Variants in SPANXN2 observed in about 807,000 individuals in gnomAD.
SPANXN2 encodes SPANX family member N2.
A neutral mutation model predicts 2.0 loss-of-function variants in SPANXN2; 1 was observed. The ratio of observed to expected loss-of-function variants is 0.50; its 90% CI spans 0.18 to 2.36. The LOEUF (loss-of-function observed/expected upper bound fraction) is 2.36. Among genes scored for constraint, SPANXN2 ranks in the 30% most tolerant of loss-of-function variants. SPANXN2 has a pLI of 0.26. For missense variants in SPANXN2, 88 were observed against 116.7 expected (o/e 0.75, Z 1.13); for synonymous variants, 43 against 49.8 (o/e 0.86, Z 0.58).
chrX:143,713,858 T>C (rs1932209493), intron 1 of SPANXN2, among the ~76,000 whole-genome samples: 1 of 106,746 alleles, frequency 9.4e-6, no homozygotes, highest in African/African-American at 3.4e-5. Flanking sequence ...TGGTAAATAA[T>C]CTGAAGTGCT....
At chrX:143,712,128 C>T (rs782673855) in exon 2 of SPANXN2, 1 of 1,208,895 alleles carries the variant, frequency 8.3e-7, no homozygotes, top group Admixed American at 2.2e-5. Flanking sequence ...GGTCTTCGTC[C>T]TCCTGTGAAG....
intron 1 of SPANXN2, among the ~76,000 whole-genome samples, chrX:143,715,236 A>G (rs1262116741): frequency 2.7e-5 from 3 of 110,904 alleles, no homozygotes; most frequent in African/African-American, 6.6e-5. Context: ...CTAGTTACTC[A>G]GTTTGACCAG....
chrX:143,712,774 G>T (rs1311203750), intron 1 of SPANXN2, among the ~76,000 whole-genome samples: 1 of 111,612 alleles, frequency 9.0e-6, no homozygotes, highest in Non-Finnish European at 1.9e-5. Context: ...GGCTCAGGCC[G>T]TGAGAAACAT....
At position 143,718,569 on chromosome X, in the gene SPANXN2, GA is replaced by G. The variant is rs1226855588; in HGVS notation, c.78+2021del. 4.5e-5 allele frequency among the ~76,000 whole-genome samples: 5 copies of G among 111,809 alleles called. No homozygotes were observed. The East Asian group carries it at 1.4e-3, about 32-fold the overall frequency. On this transcript the variant is annotated intron_variant, in intron 1 of 1. Transcript: ENST00000598475. ...AAAAAGAGCACCAGATCCACATCTA[GA>G]AATTTGTTCACCCCCAAATTATTCT... is the stretch of plus-strand genomic sequence containing the variant.
chrX:143,713,996 G>A (rs1210162726), intron 1 of SPANXN2, among the ~76,000 whole-genome samples: 2 of 103,802 alleles, frequency 1.9e-5, no homozygotes, highest in African/African-American at 3.6e-5. Flanking sequence ...CTCTTCCTCC[G>A]GACAAGTCTT....
intron 1 of SPANXN2, among the ~76,000 whole-genome samples, chrX:143,719,515 G>T (rs781942078): frequency 8.9e-6 from 1 of 111,785 alleles, no homozygotes; most frequent in Non-Finnish European, 1.9e-5. Context: ...TAAAACAAAG[G>T]GTTTGTGCAG....
chrX:143,716,817 C>T (rs1932275606), intron 1 of SPANXN2, among the ~76,000 whole-genome samples: 1 of 111,941 alleles, frequency 8.9e-6, no homozygotes, highest in African/African-American at 3.2e-5. Flanking sequence ...CCACCAATCC[C>T]TTCTATCCCT....
chrX:143,715,284 T>C (rs1366611368), intron 1 of SPANXN2, among the ~76,000 whole-genome samples: 2 of 85,479 alleles, frequency 2.3e-5, no homozygotes, highest in African/African-American at 4.3e-5. Context: ...CGATCTCTAT[T>C]GTGAGAATCA....
At chrX:143,713,732 T>A (rs1556448977) in intron 1 of SPANXN2, among the ~76,000 whole-genome samples, 1 of 111,176 alleles carries the variant, frequency 9.0e-6, no homozygotes, top group African/African-American at 3.3e-5. Flanking sequence ...CCTTCCAGGG[T>A]ACTCACTTTC....
At chrX:143,714,315 C>T (rs181134897) in intron 1 of SPANXN2, among the ~76,000 whole-genome samples, 30 of 111,800 alleles carry the variant, frequency 2.7e-4, no homozygotes, top group Non-Finnish European at 4.3e-4. Context: ...GACTCCTTTT[C>T]AATGGATCCA....
rs187171979 is a variant in SPANXN2 at position 143,715,115 on chromosome X, G to A, written c.79-2616C>T. On this transcript the variant is annotated intron_variant, in intron 1 of 1. Coordinates refer to ENST00000598475, the Ensembl canonical transcript of SPANXN2. ...CTTCACCACCTGTACCTGAAGACAG[G>A]TGGGGCCTGGAGTCCACCGCCCCTA... Among the ~76,000 whole-genome samples, 362 of 111,470 alleles carry A rather than the reference G, an allele frequency of 3.2e-3. 3 individuals are homozygous for A. Among genetic ancestry groups the A allele is most frequent in the African/African-American group, 0.01 (311 of 30,641 alleles).
At chrX:143,719,387 T>G (rs1301019484) in intron 1 of SPANXN2, among the ~76,000 whole-genome samples, 1 of 111,962 alleles carries the variant, frequency 8.9e-6, no homozygotes, top group Non-Finnish European at 1.9e-5. Flanking sequence ...AAAACCCATT[T>G]CCTGCTCTCT....
At chrX:143,714,940 G>C (rs1216322455) in intron 1 of SPANXN2, among the ~76,000 whole-genome samples, 6 of 111,789 alleles carry the variant, frequency 5.4e-5, no homozygotes, top group African/African-American at 2.0e-4. Context: ...CTTGGCAACA[G>C]TCAACTCCAG....
intron 1 of SPANXN2, among the ~76,000 whole-genome samples, chrX:143,719,504 T>C: frequency 8.9e-6 from 1 of 111,978 alleles, no homozygotes; most frequent in Middle Eastern, 4.6e-3. Flanking sequence ...AACATAAAAG[T>C]TAAAACAAAG....
At chrX:143,713,088 C>G (rs1272121897) in intron 1 of SPANXN2, among the ~76,000 whole-genome samples, 1 of 111,393 alleles carries the variant, frequency 9.0e-6, no homozygotes, top group African/African-American at 3.3e-5. Context: ...TGAGCTGCCC[C>G]CTGTGTGTCT....
At chrX:143,714,398 C>A (rs1932222965) in intron 1 of SPANXN2, among the ~76,000 whole-genome samples, 1 of 111,354 alleles carries the variant, frequency 9.0e-6, no homozygotes, top group African/African-American at 3.3e-5. Context: ...ATATGTCATC[C>A]TCTCCTCTAC....
intron 1 of SPANXN2, among the ~76,000 whole-genome samples, chrX:143,716,899 A>T (rs1359199070): frequency 9.0e-6 from 1 of 111,339 alleles, no homozygotes; most frequent in African/African-American, 3.3e-5. Flanking sequence ...CAGAGACATA[A>T]AATTCTCTAC....
chrX:143,717,062 G>C (rs1932280669), intron 1 of SPANXN2, among the ~76,000 whole-genome samples: 1 of 111,962 alleles, frequency 8.9e-6, no homozygotes, highest in Admixed American at 9.4e-5. Context: ...CCTCTTTTAG[G>C]CAGCCATGTC....
At chrX:143,718,047 C>G (rs1371400678) in intron 1 of SPANXN2, among the ~76,000 whole-genome samples, 3 of 111,441 alleles carry the variant, frequency 2.7e-5, no homozygotes, top group African/African-American at 6.5e-5. Flanking sequence ...GGTAAAGGCT[C>G]TAAACATTAA....
Sources: gnomAD v4.1 joint callset for allele counts (sites outside exome capture counted in the v4.1 genomes callset) on GRCh38, gnomAD v4.1.1 for gene constraint, MANE v1.5 for transcripts, NCBI Gene and HGNC (gene_info 2026-07-23, HGNC 2026-07-21) for gene names.